ARHGAP44: variants seen among roughly 807,000 people sequenced by gnomAD.
ARHGAP44 encodes Rho GTPase activating protein 44.
ARHGAP44 carries 43 observed loss-of-function variants against 106.8 expected under a neutral mutation model. The observed-to-expected ratio is 0.40, with a 90% CI of 0.32 to 0.52. The LOEUF (loss-of-function observed/expected upper bound fraction) is 0.52. Ranked by LOEUF, ARHGAP44 falls within the 20% of genes least tolerant of loss-of-function variation. The probability of loss-of-function intolerance (pLI) is 0.48; values close to 1 mark genes in which losing one functional copy is unlikely to be tolerated. For synonymous variants in ARHGAP44, 439 were observed against 410.3 expected (o/e 1.07, Z -0.85); for missense variants, 866 against 1,050.5 (o/e 0.82, Z 2.43).
In ARHGAP44 at chr17:12,974,269, T is replaced by C; in HGVS notation, c.1722T>C (p.Ser574=). 6.7e-7 allele frequency: 1 copy of C among 1,500,740 alleles called. No individual in the cohort carries two copies. The highest frequency in any genetic ancestry group is 8.9e-7 in the Non-Finnish European group (1 of 1,128,474). 93.0% of individuals were successfully genotyped at this position (1,500,740 alleles called of 1,614,324 possible). ...PLDSPAAPAL[S]PSGLGLQPGP... is the part of the protein sequence containing the mutation. ...ACAGCCCCGCGGCCCCCGCGCTCTC[T>C]CCATCCGGCCTGGGCCTCCAGCCTG... The change falls in exon 18 of 21, where the codon TCT becomes TCC. Residue 574 remains serine, a synonymous_variant. Coordinates refer to ENST00000379672, the MANE Select transcript of ARHGAP44 (RefSeq NM_014859.6).
At chr17:12,804,202 A>G (rs1357487508) in intron 1 of ARHGAP44, among the ~76,000 whole-genome samples, 1 of 152,218 alleles carries the variant, frequency 6.6e-6, no homozygotes, top group Non-Finnish European at 1.5e-5. Context: ...GAGGAGACAA[A>G]GAAGCAGCCC....
intron 16 of ARHGAP44, among the ~76,000 whole-genome samples, chr17:12,962,080 AAT>A (rs201834415): frequency 6.6e-6 from 1 of 150,388 alleles, no homozygotes. Flanking sequence ...GTTAAAAAAA[AAT>A]ATATATATAT....
At chr17:12,838,658 C>A (rs967030203) in intron 1 of ARHGAP44, among the ~76,000 whole-genome samples, 1 of 152,246 alleles carries the variant, frequency 6.6e-6, no homozygotes, top group East Asian at 1.9e-4. Flanking sequence ...ATTCACCCCC[C>A]ACCCATCTCC....
chr17:12,841,594 T>TCACACACACACACACA, intron 1 of ARHGAP44, among the ~76,000 whole-genome samples: 1 of 126,580 alleles, frequency 7.9e-6, no homozygotes, highest in South Asian at 2.7e-4. Context: ...TGTCTCTCTC[T>TCACACACACACACACA]CACACACACA....
chr17:12,989,427 A>C (rs1360836439), intron 20 of ARHGAP44, among the ~76,000 whole-genome samples: 1 of 152,122 alleles, frequency 6.6e-6, no homozygotes, highest in Non-Finnish European at 1.5e-5. Flanking sequence ...GGGAAAAATG[A>C]CCTTTTAATG....
intron 16 of ARHGAP44, among the ~76,000 whole-genome samples, chr17:12,968,775 T>TC (rs1235491853): frequency 9.7e-5 from 14 of 145,060 alleles, no homozygotes; most frequent in Admixed American, 3.4e-4. Context: ...TTCTTTTCTT[T>TC]TTTTTTTTTT....
At chr17:12,851,715 G>A (rs148049542) in intron 1 of ARHGAP44, among the ~76,000 whole-genome samples, 2,004 of 152,202 alleles carry the variant, frequency 0.013, 50 homozygotes, top group African/African-American at 0.045. Context: ...GATTACAGGC[G>A]TGAGCCACTG....
intron 13 of ARHGAP44, among the ~76,000 whole-genome samples, chr17:12,955,042 C>A (rs566756461): frequency 6.6e-6 from 1 of 152,294 alleles, no homozygotes; most frequent in East Asian, 1.9e-4. Flanking sequence ...CCTAAGCAAC[C>A]ACTAATGTAC....
intron 10 of ARHGAP44, among the ~76,000 whole-genome samples, chr17:12,945,473 T>C (rs1228245073): frequency 6.6e-6 from 1 of 152,210 alleles, no homozygotes; most frequent in Non-Finnish European, 1.5e-5. Context: ...GTACGTGTTT[T>C]ATTGAGCAAA....
chr17:12,820,805 G>A (rs1224327907), intron 1 of ARHGAP44, among the ~76,000 whole-genome samples: 1 of 152,156 alleles, frequency 6.6e-6, no homozygotes, highest in East Asian at 1.9e-4. Flanking sequence ...GTGATTTTAT[G>A]TTATTCCAGT....
intron 1 of ARHGAP44, among the ~76,000 whole-genome samples, chr17:12,887,140 C>T (rs915531307): frequency 4.0e-5 from 6 of 151,842 alleles, no homozygotes; most frequent in African/African-American, 1.5e-4. Context: ...GGAATAAATC[C>T]CACTTGGTTT....
At chr17:12,848,917 G>A (rs1188760045) in intron 1 of ARHGAP44, among the ~76,000 whole-genome samples, 3 of 151,908 alleles carry the variant, frequency 2.0e-5, no homozygotes, top group Non-Finnish European at 4.4e-5. Context: ...GCGTGGTGGC[G>A]CATGCCTGTA....
chr17:12,942,909 A>G (rs2038746038), intron 8 of ARHGAP44, among the ~76,000 whole-genome samples: 1 of 152,236 alleles, frequency 6.6e-6, no homozygotes, highest in African/African-American at 2.4e-5. Flanking sequence ...CACCAAAGCA[A>G]TCCCACCTCC....
chr17:12,983,661 A>G (rs62058143), intron 19 of ARHGAP44, among the ~76,000 whole-genome samples: 84,140 of 150,864 alleles, frequency 0.56, 23,444 homozygotes, highest in East Asian at 0.73. Context: ...AAAATTAGCC[A>G]GGCGTGGTGG....
intron 1 of ARHGAP44, among the ~76,000 whole-genome samples, chr17:12,814,189 G>A (rs1294548035): frequency 1.3e-5 from 2 of 149,984 alleles, no homozygotes; most frequent in Non-Finnish European, 2.9e-5. Flanking sequence ...GGCCTGCCAG[G>A]TCACACACCC....
chr17:12,970,251 A>G (rs758390061), intron 16 of ARHGAP44, among the ~76,000 whole-genome samples: 8 of 151,842 alleles, frequency 5.3e-5, no homozygotes, highest in Non-Finnish European at 1.0e-4. Context: ...CTGTATTCCA[A>G]GCTACTCAGG....
At chr17:12,969,242 T>C (rs956851065) in intron 16 of ARHGAP44, among the ~76,000 whole-genome samples, 2 of 152,128 alleles carry the variant, frequency 1.3e-5, no homozygotes, top group Non-Finnish European at 1.5e-5. Context: ...AGAGTATCCT[T>C]TTCCCCCCTT....
intron 1 of ARHGAP44, among the ~76,000 whole-genome samples, chr17:12,833,272 A>C (rs902474757): frequency 6.6e-6 from 1 of 152,160 alleles, no homozygotes; most frequent in African/African-American, 2.4e-5. Context: ...TTAGCACTGC[A>C]TATGTGTTTC....
At chr17:12,875,991 C>G (rs1452556372) in intron 1 of ARHGAP44, among the ~76,000 whole-genome samples, 2 of 152,172 alleles carry the variant, frequency 1.3e-5, no homozygotes, top group Non-Finnish European at 2.9e-5. Context: ...CTATGTTATT[C>G]CATCATGTGG....
Sources: gnomAD v4.1 joint callset for allele counts (sites outside exome capture counted in the v4.1 genomes callset) on GRCh38, gnomAD v4.1.1 for gene constraint, MANE v1.5 for transcripts, NCBI Gene and HGNC (gene_info 2026-07-23, HGNC 2026-07-21) for gene names.